The following VPS37C variants were observed in gnomAD, a reference collection of about 807,000 sequenced individuals.
The protein encoded by VPS37C is vacuolar protein sorting-associated protein 37C.
VPS37C carries 9 observed loss-of-function variants against 16.1 expected under a neutral mutation model. The ratio of observed to expected loss-of-function variants is 0.56; its 90% CI spans 0.34 to 0.97. VPS37C has a LOEUF of 0.97. VPS37C is among the 50% of genes least tolerant of loss of function. The pLI is 0.02. For synonymous variants in VPS37C, 207 were observed against 206.4 expected (o/e 1.00, Z -0.02); for missense variants, 479 against 472.7 (o/e 1.01, Z -0.12).
Position 61,131,798 on chromosome 11 carries a change from G to A in VPS37C, c.*22C>T. On this transcript the variant is annotated 3_prime_UTR_variant, in exon 5 of 5. Transcript: ENST00000301765. ...GTTGAGCGTGGGTGGGACTAGGGAG[G>A]GGCCGAGGGCCAGGAGTGTGTCTAA... The A allele has an allele frequency of 8.0e-7, 1 of 1,248,564 alleles. No individual in the cohort carries two copies. Among genetic ancestry groups the A allele is most frequent in the Admixed American group, 4.0e-5 (1 of 24,844 alleles). 77.3% of individuals were successfully genotyped at this position (1,248,564 alleles called of 1,614,324 possible).
rs1853371768 is a variant in VPS37C, at chr11:61,156,071, A to AAG, written c.-7+5319_-7+5320insCT. Among the ~76,000 whole-genome samples, 5 of 152,086 alleles carry AAG rather than the reference A, an allele frequency of 3.3e-5. No homozygotes were observed. The South Asian group carries it at 1.0e-3, about 32-fold the overall frequency. ...CTATATACCTTAAAGCAACCACTAA[A>AAG]AAGTGTTCGAATTAATGAACCAACA... On this transcript the variant is annotated intron_variant, in intron 1 of 4. Coordinates refer to ENST00000301765, the MANE Select transcript of VPS37C (RefSeq NM_017966.5).
chr11:61,160,788 TCAG>T (rs1450558591), intron 1 of VPS37C, among the ~76,000 whole-genome samples: 1 of 152,206 alleles, frequency 6.6e-6, no homozygotes, highest in Non-Finnish European at 1.5e-5. Context: ...TATGTATACA[TCAG>T]TGCCCTTTGC....
intron 3 of VPS37C, 97 bp downstream of exon 3, chr11:61,133,939 A>G (rs1432752714): frequency 7.0e-7 from 1 of 1,436,464 alleles, no homozygotes; most frequent in South Asian, 1.4e-5. Flanking sequence ...CTGTTGTGAA[A>G]AAATATACAT....
chr11:61,158,246 C>G (rs897232840), intron 1 of VPS37C, among the ~76,000 whole-genome samples: 3 of 152,136 alleles, frequency 2.0e-5, no homozygotes, highest in African/African-American at 7.2e-5. Context: ...ATTGATAAAA[C>G]TACAAGGGGA....
rs369524523 is a variant in VPS37C at position 61,130,517 on chromosome 11, C to T, written c.*1303G>A. 108 of 209,816 alleles carry T rather than the reference C, an allele frequency of 5.1e-4. No individual in the cohort carries two copies. The highest frequency in any genetic ancestry group is 2.5e-3 in the African/African-American group (104 of 41,898). The allele number at this position is 209,816 out of a possible 1,614,324, so 13.0% of individuals were successfully genotyped here. Reference sequence around the variant, plus strand: ...GCAGCCCCGGGCCCACCAGATGCTGCGTCCTCAGGTAGTGGACATTTCAAG... The same window carrying T: ...GCAGCCCCGGGCCCACCAGATGCTGTGTCCTCAGGTAGTGGACATTTCAAG... On this transcript the variant is annotated 3_prime_UTR_variant, in exon 5 of 5. Transcript: ENST00000301765.
At chr11:61,150,690 T>C (rs1853284809) in intron 1 of VPS37C, among the ~76,000 whole-genome samples, 1 of 151,886 alleles carries the variant, frequency 6.6e-6, no homozygotes, top group Non-Finnish European at 1.5e-5. Context: ...GACCTAGAGT[T>C]GGCCCCTGAG....
In VPS37C at chr11:61,139,741, C is replaced by CTTT. The variant is rs545629004; in HGVS notation, c.-6-909_-6-907dup. ...TCTCTTCCAGAGGTGCATTCCATAG[C>CTTT]TTTTTTTTTTTTTTTTTTTTGAGAC... On this transcript the variant is annotated intron_variant, in intron 1 of 4. Transcript: ENST00000301765. Among the ~76,000 whole-genome samples the CTTT allele has an allele frequency of 1.9e-3, 145 of 77,730 alleles. 2 individuals carry two copies. In the East Asian group the frequency reaches 0.056, roughly 30 times the overall value. 51.0% of individuals were successfully genotyped at this position (77,730 alleles called of 152,430 possible).
chr11:61,140,386 C>G (rs930545605), intron 1 of VPS37C, among the ~76,000 whole-genome samples: 2 of 151,982 alleles, frequency 1.3e-5, no homozygotes, highest in Non-Finnish European at 2.9e-5. Context: ...ACCCTCCCCC[C>G]ACCCACTCAA....
chr11:61,155,244 G>A (rs191724119), intron 1 of VPS37C, among the ~76,000 whole-genome samples: 1 of 152,256 alleles, frequency 6.6e-6, no homozygotes, highest in Admixed American at 6.5e-5. Flanking sequence ...ATCACTTTGG[G>A]AAGCTGATGC....
In VPS37C at chr11:61,130,854, G is replaced by C. The variant is rs946164694; in HGVS notation, c.*966C>G. On this transcript the variant is annotated 3_prime_UTR_variant, in exon 5 of 5. Transcript: ENST00000301765. ...GATGCCTGTCTTAGGATGGACACTG[G>C]GGGTGGGAGGATTACATCAACAGAG... is the stretch of plus-strand genomic sequence containing the variant. 4 of 424,062 alleles carry C rather than the reference G, an allele frequency of 9.4e-6. No homozygotes were observed. Among genetic ancestry groups the C allele is most frequent in the East Asian group, 1.8e-4 (2 of 10,944 alleles). 26.3% of individuals were successfully genotyped at this position (424,062 alleles called of 1,614,324 possible).
chr11:61,146,569 G>C (rs904202872), intron 1 of VPS37C, among the ~76,000 whole-genome samples: 6 of 152,332 alleles, frequency 3.9e-5, no homozygotes, highest in African/African-American at 1.4e-4. Context: ...GCAGATCCAA[G>C]GGGCTGGGAG....
chr11:61,142,761 C>T (rs1861492831), intron 1 of VPS37C, among the ~76,000 whole-genome samples: 1 of 127,142 alleles, frequency 7.9e-6, no homozygotes, highest in South Asian at 2.3e-4. Flanking sequence ...CTGAAACACA[C>T]TTTGAGAGCC....
At chr11:61,138,642 G>A (rs921721830) in intron 2 of VPS37C, 95 bp downstream of exon 2, 37 of 1,199,810 alleles carry the variant, frequency 3.1e-5, no homozygotes, top group Non-Finnish European at 4.1e-5. Flanking sequence ...GATGAATTTG[G>A]CCAAAACTTC....
At chr11:61,157,823 T>G (rs774166297) in intron 1 of VPS37C, among the ~76,000 whole-genome samples, 5 of 152,230 alleles carry the variant, frequency 3.3e-5, no homozygotes, top group Admixed American at 3.3e-4. Context: ...TAGTGAGACA[T>G]GTTTAGGTCA....
intron 1 of VPS37C, among the ~76,000 whole-genome samples, chr11:61,152,239 C>A (rs11230612): frequency 0.038 from 5,807 of 152,258 alleles, 377 homozygotes; most frequent in African/African-American, 0.13. Context: ...GGGGCAGCTG[C>A]AGACCCTACC....
At chr11:61,137,993 C>T (rs761662194) in intron 2 of VPS37C, among the ~76,000 whole-genome samples, 74 of 152,198 alleles carry the variant, frequency 4.9e-4, no homozygotes, top group Non-Finnish European at 2.8e-4. Flanking sequence ...CATACCTGCT[C>T]ATCCGTGCAA....
At position 61,130,829 on chromosome 11, in the gene VPS37C, G is replaced by A. The variant is rs1397000589; in HGVS notation, c.*991C>T. The stretch of plus-strand genomic sequence containing the variant: ...GGGAAGTAAAGTTAGGGCCTCTTTT[G>A]ATGCCTGTCTTAGGATGGACACTGG... On this transcript the variant is annotated 3_prime_UTR_variant, in exon 5 of 5. Coordinates refer to ENST00000301765, the MANE Select transcript of VPS37C (RefSeq NM_017966.5). 2.0e-5 allele frequency: 9 copies of A among 439,626 alleles called. No homozygotes were observed. The highest frequency in any genetic ancestry group is 1.9e-4 in the African/African-American group (9 of 48,456). The allele number at this position is 439,626 out of a possible 1,614,324, so 27.2% of individuals were successfully genotyped here. A position where few individuals can be genotyped will look rare whatever the true frequency, so the allele number is the denominator to read the frequency against.
Position 61,132,529 on chromosome 11 carries a change from T to A in VPS37C, c.359A>T (p.Glu120Val). 1.9e-6 allele frequency: 3 copies of A among 1,599,368 alleles called. No individual in the cohort carries two copies. The highest frequency in any genetic ancestry group is 2.6e-6 in the Non-Finnish European group (3 of 1,172,144). Reference sequence around the variant, plus strand: ...GGGCACCTCGCCCTCCAGGAACTTCTCAGCCATGGCCTGGAAGACATAAGG... The same window carrying A: ...GGGCACCTCGCCCTCCAGGAACTTCACAGCCATGGCCTGGAAGACATAAGG... ...KIEEESEAMA[E>V]KFLEGEVPLE... The change falls in exon 5 of 5, where the codon GAG (glutamate) becomes GTG (valine). Residue 120 changes from glutamate to valine, a missense_variant. Physicochemically the swap from Glu to Val is moderately radical, Grantham distance 121. Coordinates refer to ENST00000301765, the MANE Select transcript of VPS37C (RefSeq NM_017966.5).
At chr11:61,152,088 G>A (rs1425347112) in intron 1 of VPS37C, among the ~76,000 whole-genome samples, 1 of 152,152 alleles carries the variant, frequency 6.6e-6, no homozygotes, top group African/African-American at 2.4e-5. Flanking sequence ...GTCCCTTTAA[G>A]GAGGGATCAA....
Sources: gnomAD v4.1 joint callset for allele counts (sites outside exome capture counted in the v4.1 genomes callset) on GRCh38, gnomAD v4.1.1 for gene constraint, MANE v1.5 for transcripts, NCBI Gene and HGNC (gene_info 2026-07-23, HGNC 2026-07-21) for gene names.